MAGI1: variants seen among roughly 807,000 people sequenced by gnomAD.
MAGI1 encodes the protein membrane-associated guanylate kinase, WW and PDZ domain-containing protein 1.
MAGI1 carries 58 observed loss-of-function variants against 139.9 expected under a neutral mutation model. That is an observed-to-expected ratio of 0.41 (90% confidence interval 0.34 to 0.52). The LOEUF (loss-of-function observed/expected upper bound fraction) is 0.52, where lower values mean the gene tolerates loss of function less well. Ranked by LOEUF, MAGI1 falls within the 20% of genes least tolerant of loss-of-function variation. The pLI is 0.12. For missense variants in MAGI1, 1,874 were observed against 1,901.6 expected, an observed-to-expected ratio of 0.99 and a Z score of 0.27; for synonymous variants, 812 against 737.9, an observed-to-expected ratio of 1.10 and a Z score of -1.63.
intron 1 of MAGI1, among the ~76,000 whole-genome samples, chr3:65,627,695 A>G (rs970681636): frequency 3.3e-5 from 5 of 151,200 alleles, no homozygotes; most frequent in African/African-American, 1.2e-4. Flanking sequence ...TTTAGTAGAG[A>G]TGGGGTTTCA....
intron 1 of MAGI1, among the ~76,000 whole-genome samples, chr3:65,700,767 C>T (rs940081988): frequency 5.9e-5 from 9 of 152,188 alleles, no homozygotes; most frequent in African/African-American, 2.2e-4. Context: ...GAATCTCTAA[C>T]AGCCTCACAT....
chr3:65,493,872 C>T (rs750529004), intron 2 of MAGI1, among the ~76,000 whole-genome samples: 1 of 152,168 alleles, frequency 6.6e-6, no homozygotes, highest in Non-Finnish European at 1.5e-5. Flanking sequence ...CCAAGCACCG[C>T]TGGGTAACCT....
intron 1 of MAGI1, among the ~76,000 whole-genome samples, chr3:65,892,232 T>C (rs1008789293): frequency 1.3e-5 from 2 of 152,106 alleles, no homozygotes; most frequent in African/African-American, 4.8e-5. Context: ...GAAGCTATTT[T>C]TCTTTAATTA....
chr3:65,619,701 A>G (rs2083565298), intron 2 of MAGI1: 1 of 252,196 alleles, frequency 4.0e-6, no homozygotes, highest in East Asian at 1.8e-4. Flanking sequence ...AATAAACACA[A>G]ATGTGGCCAG....
At position 65,742,586 on chromosome 3, in the gene MAGI1, T is replaced by C. The variant is rs555965167; in HGVS notation, c.314-120498A>G. Among the ~76,000 whole-genome samples the C allele has an allele frequency of 1.2e-4, 19 of 152,306 alleles. No individual in the cohort carries two copies. In the South Asian group the frequency reaches 3.7e-3, roughly 30 times the overall value. ...CTTCAGACGATTAAAGGAGATATTG[T>C]GTGTGAGTGAATGTGTCTGTGCATT... On this transcript the variant is annotated intron_variant, in intron 1 of 22. Coordinates refer to ENST00000402939, the MANE Select transcript of MAGI1 (RefSeq NM_001033057.2).
intron 1 of MAGI1, among the ~76,000 whole-genome samples, chr3:65,711,009 A>T (rs755142504): frequency 6.6e-6 from 1 of 152,124 alleles, no homozygotes; most frequent in Non-Finnish European, 1.5e-5. Flanking sequence ...GATGGGTCTC[A>T]TCCATTTTCA....
intron 1 of MAGI1, among the ~76,000 whole-genome samples, chr3:65,697,277 C>A (rs1294058214): frequency 6.6e-6 from 1 of 151,640 alleles, no homozygotes; most frequent in African/African-American, 2.4e-5. Flanking sequence ...GGATTCACAG[C>A]TGAATTCTAT....
At chr3:65,625,003 G>C (rs1041437232) in intron 1 of MAGI1, among the ~76,000 whole-genome samples, 1 of 152,060 alleles carries the variant, frequency 6.6e-6, no homozygotes, top group African/African-American at 2.4e-5. Flanking sequence ...CTTCCGAGTA[G>C]CAGGGATTAC....
chr3:65,657,327 G>T (rs2107355439), intron 1 of MAGI1, among the ~76,000 whole-genome samples: 1 of 151,804 alleles, frequency 6.6e-6, no homozygotes, highest in East Asian at 2.0e-4. Context: ...AGGGGTGGTG[G>T]CTCACACCTG....
At chr3:65,516,796 C>T (rs1255231214) in intron 2 of MAGI1, among the ~76,000 whole-genome samples, 2 of 125,210 alleles carry the variant, frequency 1.6e-5, no homozygotes, top group Non-Finnish European at 3.2e-5. Context: ...GGCGGGATCT[C>T]GGCTCACTGC....
intron 10 of MAGI1, among the ~76,000 whole-genome samples, chr3:65,435,394 C>G (rs964736537): frequency 6.6e-6 from 1 of 152,066 alleles, no homozygotes; most frequent in Non-Finnish European, 1.5e-5. Flanking sequence ...GAACCTGAAC[C>G]TTTACAGCTT....
chr3:65,897,816 T>C (rs1292613820), intron 1 of MAGI1, among the ~76,000 whole-genome samples: 2 of 149,466 alleles, frequency 1.3e-5, no homozygotes, highest in South Asian at 2.1e-4. Context: ...TGAGCTATGA[T>C]AGCACCACCG....
At chr3:65,612,006 T>C (rs967604002) in intron 2 of MAGI1, among the ~76,000 whole-genome samples, 1 of 151,908 alleles carries the variant, frequency 6.6e-6, no homozygotes, top group African/African-American at 2.4e-5. Context: ...AGATTCTTGT[T>C]TTAATATGTG....
At chr3:65,964,223 G>A (rs2064619438) in intron 1 of MAGI1, among the ~76,000 whole-genome samples, 2 of 152,148 alleles carry the variant, frequency 1.3e-5, no homozygotes, top group Non-Finnish European at 2.9e-5. Context: ...CTTAGCGTCA[G>A]AGATCCACAA....
chr3:65,444,938 T>G (rs137921250), intron 7 of MAGI1, among the ~76,000 whole-genome samples: 1 of 152,334 alleles, frequency 6.6e-6, no homozygotes, highest in East Asian at 1.9e-4. Flanking sequence ...AAAATAGAAA[T>G]GGGTCATCGA....
At chr3:65,418,444 A>G (rs1383409680) in intron 12 of MAGI1, among the ~76,000 whole-genome samples, 1 of 152,202 alleles carries the variant, frequency 6.6e-6, no homozygotes, top group Admixed American at 6.5e-5. Context: ...AGAAATTTCA[A>G]TAGTTTGCTT....
intron 1 of MAGI1, among the ~76,000 whole-genome samples, chr3:65,958,397 T>C (rs887871938): frequency 3.9e-5 from 6 of 152,156 alleles, no homozygotes; most frequent in Non-Finnish European, 2.9e-5. Context: ...TATTGTATCA[T>C]CAAAAAGGTA....
intron 12 of MAGI1, among the ~76,000 whole-genome samples, chr3:65,427,650 T>C (rs931824929): frequency 2.0e-5 from 3 of 152,150 alleles, no homozygotes; most frequent in Admixed American, 6.5e-5. Flanking sequence ...AAATCAGTGT[T>C]ATTCAGTTAA....
At chr3:65,536,275 C>G (rs1367102003) in intron 2 of MAGI1, among the ~76,000 whole-genome samples, 1 of 152,144 alleles carries the variant, frequency 6.6e-6, no homozygotes, top group Non-Finnish European at 1.5e-5. Flanking sequence ...TAACTCCTAG[C>G]ATACTATAGA....
Sources: allele counts gnomAD v4.1 joint callset (sites outside exome capture counted in the v4.1 genomes callset), GRCh38; gene constraint gnomAD v4.1.1; transcripts MANE v1.5; gene names NCBI Gene and HGNC (gene_info 2026-07-23, HGNC 2026-07-21).